Variants in SAMMSON observed in about 807,000 individuals in gnomAD.
The protein encoded by SAMMSON is long intergenic non-protein coding RNA 1212.
At chr3:70,150,443 T>C (rs914919657) in intron 4 of SAMMSON, among the ~76,000 whole-genome samples, 1 of 152,068 alleles carries the variant, frequency 6.6e-6, no homozygotes, top group Non-Finnish European at 1.5e-5. Context: ...CTAGTTCTTA[T>C]CCAAGTATCA....
chr3:70,160,885 T>G (rs1437111523), intron 4 of SAMMSON, among the ~76,000 whole-genome samples: 1 of 152,124 alleles, frequency 6.6e-6, no homozygotes, highest in Non-Finnish European at 1.5e-5. Flanking sequence ...ATTTTCAGTA[T>G]AGAAGTCTAT....
At chr3:70,326,874 T>C (rs1234759953) in intron 7 of SAMMSON, among the ~76,000 whole-genome samples, 3 of 152,182 alleles carry the variant, frequency 2.0e-5, no homozygotes, top group Non-Finnish European at 4.4e-5. Context: ...ATATATATTT[T>C]TTGAGACAGA....
chr3:70,206,451 G>A (rs1217344919), intron 4 of SAMMSON: 1 of 394,748 alleles, frequency 2.5e-6, no homozygotes, highest in Non-Finnish European at 4.5e-6. Context: ...TCAAATCGAA[G>A]TCTTCGTGTT....
At chr3:70,368,429 C>T (rs1702938007) in intron 9 of SAMMSON, among the ~76,000 whole-genome samples, 2 of 151,370 alleles carry the variant, frequency 1.3e-5, no homozygotes, top group African/African-American at 4.8e-5. Context: ...ATGTGACTTG[C>T]CTGAGTGAAA....
intron 4 of SAMMSON, among the ~76,000 whole-genome samples, chr3:70,151,516 T>C (rs1452938068): frequency 6.6e-6 from 1 of 152,028 alleles, no homozygotes; most frequent in Non-Finnish European, 1.5e-5. Context: ...TCCTCCTTTC[T>C]TTGCCTCAGT....
At chr3:70,358,108 C>CA (rs1429540853) in intron 8 of SAMMSON, 1 of 151,734 alleles carries the variant, frequency 6.6e-6, no homozygotes, top group Non-Finnish European at 1.5e-5. Flanking sequence ...TAGCCATTAT[C>CA]AAAAAATAAA....
chr3:70,051,581 C>G (rs911170219), intron 3 of SAMMSON, among the ~76,000 whole-genome samples: 1 of 151,244 alleles, frequency 6.6e-6, no homozygotes, highest in Non-Finnish European at 1.5e-5. Flanking sequence ...TATGGACACA[C>G]GAAGATGGGA....
At chr3:70,142,705 T>A (rs140242006) in intron 4 of SAMMSON, among the ~76,000 whole-genome samples, 1 of 151,962 alleles carries the variant, frequency 6.6e-6, no homozygotes, top group African/African-American at 2.4e-5. Flanking sequence ...TGACAAAAAA[T>A]AAAAAATAAA....
intron 4 of SAMMSON, among the ~76,000 whole-genome samples, chr3:70,185,528 T>G (rs1485685931): frequency 6.6e-6 from 1 of 152,156 alleles, no homozygotes; most frequent in African/African-American, 2.4e-5. Context: ...TGTATAAGTT[T>G]TATAGGACAA....
At chr3:70,114,644 A>C (rs1343320074) in intron 4 of SAMMSON, among the ~76,000 whole-genome samples, 4 of 152,242 alleles carry the variant, frequency 2.6e-5, no homozygotes, top group Non-Finnish European at 4.4e-5. Flanking sequence ...TTGACCAAAA[A>C]ATGAAAGGAT....
intron 2 of SAMMSON, among the ~76,000 whole-genome samples, chr3:70,415,416 C>G (rs1701256091): frequency 6.6e-6 from 1 of 152,184 alleles, no homozygotes; most frequent in Non-Finnish European, 1.5e-5. Context: ...GATGGTGGCT[C>G]TGACACCGTT....
intron 6 of SAMMSON, among the ~76,000 whole-genome samples, chr3:70,287,033 A>C (rs1702172889): frequency 6.8e-6 from 1 of 147,526 alleles, no homozygotes; most frequent in Non-Finnish European, 1.5e-5. Context: ...TCTTTTCCTA[A>C]TTGAATACCC....
intron 4 of SAMMSON, among the ~76,000 whole-genome samples, chr3:70,077,294 T>C (rs763692599): frequency 1.2e-4 from 19 of 152,160 alleles, no homozygotes; most frequent in Admixed American, 4.6e-4. Flanking sequence ...TTCCAACAAA[T>C]AGGTTTGAAA....
intron 4 of SAMMSON, chr3:70,096,155 C>A (rs1274196205): frequency 6.6e-6 from 1 of 152,210 alleles, no homozygotes; most frequent in Admixed American, 6.5e-5. Flanking sequence ...AACTGAGAGC[C>A]TCAGTTTCCT....
At chr3:70,195,503 G>GA (rs1439880725) in intron 4 of SAMMSON, among the ~76,000 whole-genome samples, 7 of 152,138 alleles carry the variant, frequency 4.6e-5, no homozygotes, top group Admixed American at 3.9e-4. Context: ...TTTCAAATTG[G>GA]AAAAATGTGC....
chr3:70,023,811 A>C (rs1289301832), intron 3 of SAMMSON, among the ~76,000 whole-genome samples: 1 of 152,218 alleles, frequency 6.6e-6, no homozygotes, highest in East Asian at 1.9e-4. Flanking sequence ...CTTTATTTAC[A>C]AAAATAGGCC....
intron 2 of SAMMSON, among the ~76,000 whole-genome samples, chr3:70,414,600 G>A (rs1268307053): frequency 6.6e-6 from 1 of 152,044 alleles, no homozygotes; most frequent in Admixed American, 6.6e-5. Flanking sequence ...CAAAATCAGA[G>A]TCCAAAATAC....
chr3:70,407,901 C>G (rs1701189012), intron 2 of SAMMSON, among the ~76,000 whole-genome samples: 1 of 152,246 alleles, frequency 6.6e-6, no homozygotes, highest in African/African-American at 2.4e-5. Context: ...GTGCCCTGCC[C>G]CTGCAGCAAA....
At chr3:70,289,638 A>G (rs1269627507) in intron 6 of SAMMSON, among the ~76,000 whole-genome samples, 1 of 151,324 alleles carries the variant, frequency 6.6e-6, no homozygotes, top group Non-Finnish European at 1.5e-5. Flanking sequence ...TCTCCTGGAT[A>G]ATATCCTGCA....
Sources: allele counts gnomAD v4.1 joint callset (sites outside exome capture counted in the v4.1 genomes callset), GRCh38; gene constraint gnomAD v4.1.1; transcripts MANE v1.5; gene names NCBI Gene and HGNC (gene_info 2026-07-23, HGNC 2026-07-21).